The following SGCZ variants were observed in gnomAD, a reference collection of about 807,000 sequenced individuals.
SGCZ encodes the protein zeta-sarcoglycan.
Under a neutral mutation model 41.3 loss-of-function variants are expected in SGCZ, and 40 were observed. That is an observed-to-expected ratio of 0.97 (90% confidence interval 0.75 to 1.26). SGCZ has a LOEUF of 1.26. Among genes scored for constraint, SGCZ ranks in the 50% most tolerant of loss-of-function variants. The pLI is 0.00. For synonymous variants in SGCZ, 206 were observed against 137.5 expected (o/e 1.50, Z -3.49); for missense variants, 552 against 369.8 (o/e 1.49, Z -4.04).
intron 4 of SGCZ, among the ~76,000 whole-genome samples, chr8:14,209,060 G>A (rs1367629241): frequency 1.3e-5 from 2 of 152,180 alleles, no homozygotes; most frequent in South Asian, 4.1e-4. Flanking sequence ...TCAAAATGAC[G>A]CCTCCATGTT....
intron 1 of SGCZ, among the ~76,000 whole-genome samples, chr8:14,639,425 G>A (rs942449982): frequency 2.0e-5 from 3 of 151,580 alleles, no homozygotes; most frequent in Non-Finnish European, 4.4e-5. Context: ...TAACAAGAGG[G>A]ATAGATTACT....
intron 1 of SGCZ, among the ~76,000 whole-genome samples, chr8:15,051,563 T>C (rs548423953): frequency 3.3e-4 from 50 of 152,246 alleles, no homozygotes; most frequent in African/African-American, 1.1e-3. Flanking sequence ...GGTAGGTGTA[T>C]GTTAAGCTTT....
At position 14,402,135 on chromosome 8, in the gene SGCZ, G is replaced by A. The variant is rs112569176; in HGVS notation, c.235-77931C>T. ...CCTTTGCCCACTTTTTGATGGGGTTGTTTGTTTTCTTCTTGTAAATTTGAC... is the reference window on the plus strand; with the variant it reads ...CCTTTGCCCACTTTTTGATGGGGTTATTTGTTTTCTTCTTGTAAATTTGAC... On this transcript the variant is annotated intron_variant, in intron 2 of 7. Coordinates refer to ENST00000382080, the MANE Select transcript of SGCZ (RefSeq NM_139167.4). 6.5e-3 allele frequency among the ~76,000 whole-genome samples: 986 copies of A among 152,162 alleles called. 13 individuals carry two copies. Among genetic ancestry groups the A allele is most frequent in the African/African-American group, 0.022 (929 of 41,496 alleles).
chr8:14,748,860 C>T (rs1799414670), intron 1 of SGCZ, among the ~76,000 whole-genome samples: 1 of 151,896 alleles, frequency 6.6e-6, no homozygotes, highest in African/African-American at 2.4e-5. Flanking sequence ...CTTGTAACAG[C>T]TTATGTGGTA....
At chr8:14,509,601 G>A (rs1380231754) in intron 2 of SGCZ, among the ~76,000 whole-genome samples, 1 of 152,078 alleles carries the variant, frequency 6.6e-6, no homozygotes, top group African/African-American at 2.4e-5. Context: ...CGCACCAGAA[G>A]AACATGAACC....
chr8:14,192,561 T>G (rs1439367880), intron 4 of SGCZ, among the ~76,000 whole-genome samples: 1 of 151,910 alleles, frequency 6.6e-6, no homozygotes, highest in East Asian at 1.9e-4. Flanking sequence ...GAGTTTTTAT[T>G]CAAGAGTTCT....
At chr8:14,378,661 T>A (rs2117183492) in intron 2 of SGCZ, among the ~76,000 whole-genome samples, 1 of 152,304 alleles carries the variant, frequency 6.6e-6, no homozygotes, top group South Asian at 2.1e-4. Flanking sequence ...GTCACAAGTA[T>A]AGGTAGCCTA....
intron 4 of SGCZ, among the ~76,000 whole-genome samples, chr8:14,219,341 A>G (rs1243025035): frequency 1.3e-5 from 2 of 152,202 alleles, no homozygotes; most frequent in African/African-American, 4.8e-5. Flanking sequence ...ATGCTCAACA[A>G]GTTGATGAGA....
At chr8:15,015,923 C>A (rs1176980229) in intron 1 of SGCZ, among the ~76,000 whole-genome samples, 1 of 151,720 alleles carries the variant, frequency 6.6e-6, no homozygotes, top group Non-Finnish European at 1.5e-5. Flanking sequence ...TCTCCTTTTT[C>A]ATTTCCTTCT....
intron 1 of SGCZ, among the ~76,000 whole-genome samples, chr8:15,217,066 T>C (rs75647320): frequency 6.6e-6 from 1 of 151,282 alleles, no homozygotes; most frequent in South Asian, 2.1e-4. Context: ...AAAAAAAAAT[T>C]GTTAGGATCA....
At chr8:14,987,124 T>TTTTAAATTAGAAATTTA in intron 1 of SGCZ, among the ~76,000 whole-genome samples, 1 of 151,930 alleles carries the variant, frequency 6.6e-6, no homozygotes. Context: ...TTAAAATTAC[T>TTTTAAATTAGAAATTTA]ATAATTAGAA....
intron 2 of SGCZ, among the ~76,000 whole-genome samples, chr8:14,509,771 C>T (rs1338568487): frequency 1.3e-5 from 2 of 152,038 alleles, no homozygotes; most frequent in African/African-American, 4.8e-5. Context: ...ACTTGGGAGG[C>T]CTCGGGAGAC....
chr8:14,504,548 G>A (rs933577966), intron 2 of SGCZ, among the ~76,000 whole-genome samples: 9 of 152,156 alleles, frequency 5.9e-5, no homozygotes, highest in African/African-American at 2.2e-4. Flanking sequence ...TGTCACATTG[G>A]CATGCCTTTC....
At chr8:14,625,588 G>T (rs1417690196) in intron 1 of SGCZ, among the ~76,000 whole-genome samples, 1 of 151,930 alleles carries the variant, frequency 6.6e-6, no homozygotes, top group African/African-American at 2.4e-5. Flanking sequence ...TGTTGTTGTT[G>T]TTGTTTTTGT....
intron 1 of SGCZ, among the ~76,000 whole-genome samples, chr8:14,754,862 T>C (rs915334834): frequency 7.9e-5 from 12 of 152,098 alleles, no homozygotes; most frequent in African/African-American, 2.9e-4. Flanking sequence ...GCTGGGACTA[T>C]AGGTGTGCAC....
intron 1 of SGCZ, among the ~76,000 whole-genome samples, chr8:14,880,861 G>A (rs181971387): frequency 2.2e-4 from 33 of 151,992 alleles, no homozygotes; most frequent in African/African-American, 7.5e-4. Flanking sequence ...TGTAAATGAC[G>A]AGTTAATGGG....
intron 1 of SGCZ, among the ~76,000 whole-genome samples, chr8:14,785,044 T>C (rs1455743088): frequency 6.8e-6 from 1 of 147,928 alleles, no homozygotes; most frequent in African/African-American, 2.5e-5. Flanking sequence ...AAAGGATTTG[T>C]ATTAGCATTT....
chr8:14,100,746 C>T (rs945827422), intron 7 of SGCZ, among the ~76,000 whole-genome samples: 4 of 151,528 alleles, frequency 2.6e-5, no homozygotes, highest in Non-Finnish European at 5.9e-5. Context: ...AATTACAATT[C>T]ATCTTGAATT....
chr8:14,410,977 G>A (rs972892918), intron 2 of SGCZ, among the ~76,000 whole-genome samples: 2 of 151,962 alleles, frequency 1.3e-5, no homozygotes, highest in East Asian at 1.9e-4. Context: ...AATTTCAATA[G>A]CAATTTTAAA....
Sources: gnomAD v4.1 joint callset for allele counts (sites outside exome capture counted in the v4.1 genomes callset) on GRCh38, gnomAD v4.1.1 for gene constraint, MANE v1.5 for transcripts, NCBI Gene and HGNC (gene_info 2026-07-23, HGNC 2026-07-21) for gene names.